PTPRM: variants seen among roughly 807,000 people sequenced by gnomAD.
The protein encoded by PTPRM is protein tyrosine phosphatase receptor type M, also known as receptor-type tyrosine-protein phosphatase mu.
PTPRM carries 47 observed loss-of-function variants against 186.7 expected under a neutral mutation model. The ratio of observed to expected loss-of-function variants is 0.25; its 90% CI spans 0.20 to 0.32. The LOEUF is 0.32. Among genes scored for constraint, PTPRM ranks in the 10% least tolerant of loss-of-function variants. PTPRM has a pLI of 1.00. For synonymous variants in PTPRM, 668 were observed against 674.9 expected (o/e 0.99, Z 0.16); for missense variants, 1,494 against 1,865.0 (o/e 0.80, Z 3.66).
At chr18:8,160,151 C>A (rs1256789830) in intron 14 of PTPRM, among the ~76,000 whole-genome samples, 1 of 152,004 alleles carries the variant, frequency 6.6e-6, no homozygotes, top group Non-Finnish European at 1.5e-5. Context: ...TTTTATAAAT[C>A]GTGTATTCCA....
intron 7 of PTPRM, among the ~76,000 whole-genome samples, chr18:8,059,206 C>T (rs2088280412): frequency 6.8e-6 from 1 of 146,320 alleles, no homozygotes; most frequent in African/African-American, 2.6e-5. Context: ...ATTTTATTCT[C>T]TTTGAAGCAA....
At chr18:7,876,402 A>T (rs1447943581) in intron 2 of PTPRM, among the ~76,000 whole-genome samples, 1 of 152,224 alleles carries the variant, frequency 6.6e-6, no homozygotes, top group African/African-American at 2.4e-5. Flanking sequence ...TATTATAAAA[A>T]TGCTCAAAAT....
chr18:7,649,252 A>G (rs1233034858), intron 1 of PTPRM, among the ~76,000 whole-genome samples: 7 of 152,208 alleles, frequency 4.6e-5, no homozygotes, highest in African/African-American at 1.4e-4. Flanking sequence ...CTCATTGACA[A>G]TGCACCTGGT....
intron 1 of PTPRM, among the ~76,000 whole-genome samples, chr18:7,763,356 G>C (rs1042737751): frequency 6.6e-6 from 1 of 152,202 alleles, no homozygotes; most frequent in African/African-American, 2.4e-5. Context: ...GTTTCAGCTT[G>C]TTTGGAGCGT....
chr18:8,373,237 A>T (rs1268356719), intron 24 of PTPRM, among the ~76,000 whole-genome samples: 1 of 152,264 alleles, frequency 6.6e-6, no homozygotes. Flanking sequence ...GTAAGCATGT[A>T]CTTTGAGATG....
chr18:8,124,966 A>G (rs2092291898), intron 13 of PTPRM, among the ~76,000 whole-genome samples: 1 of 152,020 alleles, frequency 6.6e-6, no homozygotes, highest in Non-Finnish European at 1.5e-5. Flanking sequence ...TCCCTGTTGT[A>G]CTGGTACGTG....
At position 7,917,704 on chromosome 18, in the gene PTPRM, C is replaced by A. The variant is rs572109496; in HGVS notation, c.548-8864C>A. On this transcript the variant is annotated intron_variant, in intron 4 of 32. Coordinates refer to ENST00000580170, the MANE Select transcript of PTPRM (RefSeq NM_001105244.2). ...GAAAAATTTGAATTGTTACTATCTTCTAGATATTTTGAAATATACAGTAGA... is the reference window on the plus strand; with the variant it reads ...GAAAAATTTGAATTGTTACTATCTTATAGATATTTTGAAATATACAGTAGA... Among the ~76,000 whole-genome samples, 5 of 152,260 alleles carry A rather than the reference C, an allele frequency of 3.3e-5. No homozygotes were observed. In the East Asian group the frequency reaches 9.6e-4, roughly 29 times the overall value.
intron 2 of PTPRM, among the ~76,000 whole-genome samples, chr18:7,830,697 G>A (rs983637704): frequency 6.6e-4 from 100 of 152,236 alleles, no homozygotes; most frequent in African/African-American, 2.1e-3. Flanking sequence ...GAAATAGGTC[G>A]CATAAAGCCC....
intron 14 of PTPRM, among the ~76,000 whole-genome samples, chr18:8,221,496 A>G (rs139618595): frequency 7.7e-4 from 118 of 152,346 alleles, no homozygotes; most frequent in Middle Eastern, 6.8e-3. Flanking sequence ...CCCTCAGAAT[A>G]AGAGCAGATT....
chr18:8,074,050 AT>A (rs1270553535), intron 8 of PTPRM, among the ~76,000 whole-genome samples: 1 of 151,920 alleles, frequency 6.6e-6, no homozygotes, highest in African/African-American at 2.4e-5. Flanking sequence ...ATGAATCAGC[AT>A]TTTTTTTGTG....
intron 14 of PTPRM, among the ~76,000 whole-genome samples, chr18:8,194,515 C>T: frequency 6.6e-6 from 1 of 152,162 alleles, no homozygotes; most frequent in East Asian, 1.9e-4. Context: ...CCCTGAAATC[C>T]ACACTGGAAA....
intron 23 of PTPRM, among the ~76,000 whole-genome samples, chr18:8,352,444 C>T (rs2446505): frequency 0.24 from 35,894 of 152,006 alleles, 4,447 homozygotes; most frequent in Non-Finnish European, 0.27. Flanking sequence ...CCTCCTTCCT[C>T]TCTCCTCCCT....
intron 5 of PTPRM, among the ~76,000 whole-genome samples, chr18:7,932,562 T>C (rs925290911): frequency 1.3e-5 from 2 of 152,230 alleles, no homozygotes; most frequent in Non-Finnish European, 2.9e-5. Flanking sequence ...TAAGTATTGT[T>C]ATTTATTTAC....
chr18:7,915,156 C>T (rs568545087), intron 4 of PTPRM, among the ~76,000 whole-genome samples: 3 of 152,158 alleles, frequency 2.0e-5, no homozygotes, highest in East Asian at 1.9e-4. Context: ...AATTAATACA[C>T]GAAAACCTCT....
intron 1 of PTPRM, among the ~76,000 whole-genome samples, chr18:7,626,667 G>A (rs1567991218): frequency 6.6e-6 from 1 of 152,112 alleles, no homozygotes. Flanking sequence ...CCATGTTGCT[G>A]CAGATTGTAC....
At chr18:7,774,668 G>A (rs990238752) in intron 2 of PTPRM, among the ~76,000 whole-genome samples, 2 of 152,098 alleles carry the variant, frequency 1.3e-5, no homozygotes, top group Non-Finnish European at 2.9e-5. Flanking sequence ...TAGCCTCAGG[G>A]GCTCCCTTGG....
At chr18:8,118,510 T>G (rs1208516232) in intron 13 of PTPRM, among the ~76,000 whole-genome samples, 1 of 152,154 alleles carries the variant, frequency 6.6e-6, no homozygotes, top group East Asian at 1.9e-4. Flanking sequence ...TAAATCATTA[T>G]GAGATTTGGC....
At chr18:8,099,139 T>TCTCTCTCTCTCTC (rs1568338568) in intron 11 of PTPRM, among the ~76,000 whole-genome samples, 1 of 149,508 alleles carries the variant, frequency 6.7e-6, no homozygotes, top group African/African-American at 2.5e-5. Flanking sequence ...CACAGTCTCT[T>TCTCTCTCTCTCTC]TCTCTCTCTC....
intron 7 of PTPRM, among the ~76,000 whole-genome samples, chr18:7,972,582 A>G (rs917767908): frequency 6.7e-6 from 1 of 150,032 alleles, no homozygotes; most frequent in Non-Finnish European, 1.5e-5. Context: ...AAATATACAT[A>G]TTAAAATATA....
Sources: gnomAD v4.1 joint callset for allele counts (sites outside exome capture counted in the v4.1 genomes callset) on GRCh38, gnomAD v4.1.1 for gene constraint, MANE v1.5 for transcripts, NCBI Gene and HGNC (gene_info 2026-07-23, HGNC 2026-07-21) for gene names.